The following LRRC8D variants were observed in gnomAD, a reference collection of about 807,000 sequenced individuals.
The protein encoded by LRRC8D is leucine rich repeat containing 8 VRAC subunit D.
In LRRC8D, 20 loss-of-function variants were observed where a neutral mutation model predicts 55.8. That is an observed-to-expected ratio of 0.36 (90% CI 0.25 to 0.52). The LOEUF is 0.52. LRRC8D is among the 20% of genes least tolerant of loss of function. LRRC8D has a pLI of 0.93. For missense variants in LRRC8D, 651 were observed against 1,030.8 expected (o/e 0.63, Z 5.05); for synonymous variants, 352 against 377.0 (o/e 0.93, Z 0.77).
intron 1 of LRRC8D, 70 bp downstream of exon 1, chr1:89,821,361 C>G (rs1320725698): frequency 2.0e-5 from 3 of 152,118 alleles, no homozygotes; most frequent in Non-Finnish European, 4.4e-5. Context: ...GGAGCCGCGC[C>G]GAGCCGGAGC....
intron 2 of LRRC8D, among the ~76,000 whole-genome samples, chr1:89,900,991 C>T (rs748891780): frequency 1.5e-4 from 23 of 152,184 alleles, no homozygotes; most frequent in Non-Finnish European, 2.9e-4. Context: ...TCCTGCCATA[C>T]GTTATCAAGT....
intron 1 of LRRC8D, among the ~76,000 whole-genome samples, chr1:89,829,993 T>C (rs1210539368): frequency 6.6e-6 from 1 of 152,232 alleles, no homozygotes. Context: ...TAAGGTGTTA[T>C]GTCTTAGCTG....
chr1:89,914,702 T>TG (rs1297682499), intron 2 of LRRC8D, among the ~76,000 whole-genome samples: 2 of 151,604 alleles, frequency 1.3e-5, no homozygotes, highest in African/African-American at 4.8e-5. Context: ...TATCACAGTT[T>TG]TTTTTTTTTT....
chr1:89,897,197 A>G (rs1049253462), intron 2 of LRRC8D, among the ~76,000 whole-genome samples: 4 of 152,252 alleles, frequency 2.6e-5, no homozygotes, highest in Non-Finnish European at 4.4e-5. Context: ...ACCTTAAGTA[A>G]TTCAGTGGCA....
intron 1 of LRRC8D, among the ~76,000 whole-genome samples, chr1:89,824,348 A>G (rs1660715193): frequency 6.6e-6 from 1 of 152,204 alleles, no homozygotes; most frequent in Admixed American, 6.5e-5. Flanking sequence ...CCTTATTGAA[A>G]GAAAGGGGCA....
At chr1:89,822,344 G>T (rs1445483226) in intron 1 of LRRC8D, among the ~76,000 whole-genome samples, 1 of 152,140 alleles carries the variant, frequency 6.6e-6, no homozygotes, top group Non-Finnish European at 1.5e-5. Context: ...ATGGGGAATA[G>T]GTACTGGGGA....
intron 2 of LRRC8D, among the ~76,000 whole-genome samples, chr1:89,892,327 A>G (rs1310661526): frequency 6.6e-6 from 1 of 152,094 alleles, no homozygotes; most frequent in African/African-American, 2.4e-5. Context: ...GATCTTTTTG[A>G]TACCTGATTC....
rs74789288 is a variant in LRRC8D at position 89,911,302 on chromosome 1, A to G, written c.-2-21765A>G. Among the ~76,000 whole-genome samples the G allele has an allele frequency of 5.9e-3, 897 of 152,234 alleles. 15 individuals carry two copies. The highest frequency in any genetic ancestry group is 0.036 in the East Asian group (189 of 5,180). On this transcript the variant is annotated intron_variant, in intron 2 of 2. Coordinates refer to ENST00000337338, the MANE Select transcript of LRRC8D (RefSeq NM_001134479.2). This position sits in a 1 kb window ranked among gnomAD's most constrained non-coding sequence, Gnocchi z 4.0. Reference sequence around the variant, plus strand: ...GATAAGCAATATGGTGGTTAGCAAGATTAATGTTTACCAGTTTGCTGAAGG... The same window carrying G: ...GATAAGCAATATGGTGGTTAGCAAGGTTAATGTTTACCAGTTTGCTGAAGG...
rs1226719914 is a variant in LRRC8D, at chr1:89,935,625, C to A, written c.2557C>A (p.Pro853Thr). The change falls in exon 3 of 3, where the codon CCC (proline) becomes ACC (threonine). Residue 853 changes from proline to threonine, a missense_variant. Transcript: ENST00000337338. ...KEALNQDINI[P>T]FANGI ...GGCATTGAATCAAGACATAAATATTCCCTTTGCAAATGGGATTTAAACTAA... is the reference window on the plus strand; with the variant it reads ...GGCATTGAATCAAGACATAAATATTACCTTTGCAAATGGGATTTAAACTAA... 2 of 1,613,734 alleles carry A rather than the reference C, an allele frequency of 1.2e-6. No individual in the cohort carries two copies. Among genetic ancestry groups the A allele is most frequent in the South Asian group, 1.1e-5 (1 of 91,072 alleles).
chr1:89,935,376 C>CT lies in LRRC8D; in HGVS notation c.2308_2309insT (p.Gln770LeufsTer4). 1 of 1,614,222 alleles carries CT rather than the reference C, an allele frequency of 6.2e-7. No homozygotes were observed. The highest frequency in any genetic ancestry group is 8.5e-7 in the Non-Finnish European group (1 of 1,180,044). On this transcript the variant is annotated frameshift_variant, in exon 3 of 3. Coordinates refer to ENST00000337338, the MANE Select transcript of LRRC8D (RefSeq NM_001134479.2). LOFTEE classifies it high-confidence loss of function. ...GAACAAAGTGGACATTCTGCCAAAA[C>CT]AATTGTTTAAATGCATAAAGTTGAG...
chr1:89,879,701 C>T (rs1477140112), intron 2 of LRRC8D, among the ~76,000 whole-genome samples: 2 of 152,112 alleles, frequency 1.3e-5, no homozygotes, highest in Non-Finnish European at 2.9e-5. Flanking sequence ...ATCATTTCTT[C>T]CCTACAAATT....
chr1:89,855,146 C>T (rs1177395710), intron 2 of LRRC8D, among the ~76,000 whole-genome samples: 1 of 152,142 alleles, frequency 6.6e-6, no homozygotes, highest in East Asian at 1.9e-4. Flanking sequence ...GAGAATCGAA[C>T]AGTTGGAGAA....
At chr1:89,865,333 TATATA>T (rs1661815943) in intron 2 of LRRC8D, among the ~76,000 whole-genome samples, 1 of 37,602 alleles carries the variant, frequency 2.7e-5, no homozygotes, top group African/African-American at 2.5e-4. Context: ...CATGAAATTA[TATATA>T]TATATATATA....
intron 2 of LRRC8D, among the ~76,000 whole-genome samples, chr1:89,907,158 T>C (rs2801996): frequency 0.3 from 44,237 of 148,972 alleles, 6,999 homozygotes; most frequent in African/African-American, 0.4. Flanking sequence ...CTTTCAGGTG[T>C]TGGGCTTCCT....
Position 89,844,896 on chromosome 1 carries a change from A to C in LRRC8D, c.-3+1114A>C, listed in dbSNP as rs141565264. Among the ~76,000 whole-genome samples, 534 of 152,288 alleles carry C rather than the reference A, an allele frequency of 3.5e-3. 6 individuals are homozygous for C. Among genetic ancestry groups the C allele is most frequent in the African/African-American group, 0.012 (489 of 41,544 alleles). Reference sequence around the variant, plus strand: ...GGATCATTATATGGCCTCAAATTAAATGTTTGAGCCCTGTTAAAGCCAGTA... The same window carrying C: ...GGATCATTATATGGCCTCAAATTAACTGTTTGAGCCCTGTTAAAGCCAGTA... On this transcript the variant is annotated intron_variant, in intron 2 of 2. Coordinates refer to ENST00000337338, the MANE Select transcript of LRRC8D (RefSeq NM_001134479.2).
chr1:89,852,021 G>A (rs1025923577), intron 2 of LRRC8D, among the ~76,000 whole-genome samples: 4 of 151,630 alleles, frequency 2.6e-5, no homozygotes, highest in African/African-American at 9.7e-5. Flanking sequence ...AGTGTCTGTA[G>A]TTCTTCAGGT....
At chr1:89,831,205 C>T (rs927897372) in intron 1 of LRRC8D, among the ~76,000 whole-genome samples, 1 of 152,084 alleles carries the variant, frequency 6.6e-6, no homozygotes, top group African/African-American at 2.4e-5. Context: ...CACGCCTGGC[C>T]CACAATACAC....
chr1:89,900,870 A>G (rs1363565335), intron 2 of LRRC8D, among the ~76,000 whole-genome samples: 1 of 152,224 alleles, frequency 6.6e-6, no homozygotes, highest in Admixed American at 6.5e-5. Flanking sequence ...CTTAGGAATC[A>G]GGAATCACAA....
chr1:89,914,250 C>T (rs766363088), intron 2 of LRRC8D, among the ~76,000 whole-genome samples: 92 of 152,368 alleles, frequency 6.0e-4, no homozygotes, highest in Non-Finnish European at 1.1e-3. Context: ...CCAACTGCTC[C>T]GAGTGCGGGG....
Sources: allele counts gnomAD v4.1 joint callset (sites outside exome capture counted in the v4.1 genomes callset), GRCh38; gene constraint gnomAD v4.1.1; non-coding constraint Gnocchi (gnomAD v3.1); transcripts MANE v1.5; gene names NCBI Gene and HGNC (gene_info 2026-07-23, HGNC 2026-07-21).